TLK1: variants seen among roughly 807,000 people sequenced by gnomAD.
The protein encoded by TLK1 is tousled like kinase 1.
In TLK1, 24 loss-of-function variants were observed where a neutral mutation model predicts 105.3. The observed-to-expected ratio is 0.23, with a 90% CI of 0.17 to 0.32. The LOEUF (loss-of-function observed/expected upper bound fraction) is 0.32. Among genes scored for constraint, TLK1 ranks in the 10% least tolerant of loss-of-function variants. TLK1 has a pLI of 1.00. For missense variants in TLK1, 558 were observed against 910.5 expected (o/e 0.61, Z 4.98); for synonymous variants, 321 against 310.4 (o/e 1.03, Z -0.36).
At position 171,117,862 on chromosome 2, in the gene TLK1, TAAGAA is replaced by T; in HGVS notation, c.140-10_140-6del. On this transcript the variant is annotated splice_region_variant and splice_polypyrimidine_tract_variant and intron_variant, in intron 1 of 20. Transcript: ENST00000431350. ...TATGAAGCTCATCCATTGCACCTAT[TAAGAA>T]AAAAAAATATATATGTACACATATA... The T allele has an allele frequency of 6.3e-7, 1 of 1,588,088 alleles. No homozygotes were observed.
intron 3 of TLK1, 144 bp downstream of exon 3, chr2:171,082,637 A>C: frequency 1.5e-6 from 1 of 682,120 alleles, no homozygotes; most frequent in Non-Finnish European, 2.6e-6. Context: ...GTTGTGCTTC[A>C]TAAGGCAGAA....
At chr2:171,005,031 G>C (rs918095812) in intron 18 of TLK1, among the ~76,000 whole-genome samples, 4 of 152,242 alleles carry the variant, frequency 2.6e-5, no homozygotes, top group Admixed American at 2.6e-4. Flanking sequence ...TCGTGTGTAA[G>C]TGGTTATGAT....
Position 171,046,361 on chromosome 2 carries a change from G to T in TLK1, c.982C>A (p.Gln328Lys), listed in dbSNP as rs755932973. 1 of 1,591,618 alleles carries T rather than the reference G, an allele frequency of 6.3e-7. No homozygotes were observed. Among genetic ancestry groups the T allele is most frequent in the South Asian group, 1.2e-5 (1 of 86,408 alleles). The change falls in exon 11 of 21, where the codon CAA becomes AAA. Residue 328 changes from glutamine to lysine, a missense_variant and splice_region_variant. Around this residue, in one of 5 missense-constraint regions of TLK1, gnomAD observed 196 missense variants for 239.3 expected, o/e 0.82. Transcript: ENST00000431350. ...DGFAFQNLVK[Q>K]QEWVNQQRED... ...CTTTGCTGATTCACCCATTCTTGTT[G>T]CCTGTGTAAAAATAAACAAATAAAA...
Position 171,003,597 on chromosome 2 carries a change from G to A in TLK1, c.1904+2550C>T, listed in dbSNP as rs138111770. Among the ~76,000 whole-genome samples the A allele has an allele frequency of 1.7e-4, 26 of 152,250 alleles. No individual in the cohort carries two copies. The East Asian group carries it at 4.0e-3, about 24-fold the overall frequency. On this transcript the variant is annotated intron_variant, in intron 18 of 20. Coordinates refer to ENST00000431350, the MANE Select transcript of TLK1 (RefSeq NM_012290.5). ...ATCACGAGAGATTACTTTTTACTGC[G>A]ATAGGCCTTTTACTGGAGAGATTAA...
chr2:171,138,030 T>C (rs967232006), intron 1 of TLK1, among the ~76,000 whole-genome samples: 1 of 152,110 alleles, frequency 6.6e-6, no homozygotes, highest in African/African-American at 2.4e-5. Flanking sequence ...AAAGGCATCC[T>C]ATAAAAGTTA....
chr2:171,078,364 C>A (rs1195028051), intron 3 of TLK1, among the ~76,000 whole-genome samples: 1 of 151,978 alleles, frequency 6.6e-6, no homozygotes, highest in Non-Finnish European at 1.5e-5. Context: ...ATAGTGAAAC[C>A]CCGTCTCTAC....
chr2:171,109,855 T>A (rs1690085631), intron 2 of TLK1, among the ~76,000 whole-genome samples: 1 of 152,286 alleles, frequency 6.6e-6, no homozygotes, highest in South Asian at 2.1e-4. Context: ...AAACACTACA[T>A]TAAATAAAGG....
rs555562506 is a variant in TLK1 at position 170,993,190 on chromosome 2, G to C, written c.*590C>G. ...GATCTCGAGGTACAACTTGGTAAAA[G>C]TCTGAATAGGCAAATGACAAAGCCT... On this transcript the variant is annotated 3_prime_UTR_variant, in exon 21 of 21. Transcript: ENST00000431350. The C allele has an allele frequency of 3.1e-4, 47 of 152,692 alleles. No homozygotes were observed. The highest frequency in any genetic ancestry group is 1.0e-3 in the African/African-American group (43 of 41,548). The allele number at this position is 152,692 out of a possible 1,614,324, so 9.5% of individuals were successfully genotyped here.
chr2:171,132,450 C>G (rs917677031), intron 1 of TLK1, among the ~76,000 whole-genome samples: 4 of 152,142 alleles, frequency 2.6e-5, no homozygotes, highest in Admixed American at 2.6e-4. Context: ...TTACTTACCC[C>G]CCCCAACACG....
intron 20 of TLK1, among the ~76,000 whole-genome samples, chr2:170,996,144 G>A (rs1476661049): frequency 6.6e-6 from 1 of 151,372 alleles, no homozygotes; most frequent in African/African-American, 2.4e-5. Context: ...GACTCTAGAT[G>A]TGTGCCACCA....
intron 1 of TLK1, among the ~76,000 whole-genome samples, chr2:171,208,548 C>G (rs1693551608): frequency 6.6e-6 from 1 of 152,028 alleles, no homozygotes; most frequent in Admixed American, 6.6e-5. Flanking sequence ...GATCAAAAGC[C>G]CTAAAAATGC....
intron 1 of TLK1, among the ~76,000 whole-genome samples, chr2:171,127,243 C>G (rs1395136426): frequency 6.7e-6 from 1 of 148,252 alleles, no homozygotes; most frequent in African/African-American, 2.5e-5. Flanking sequence ...TGTCACTGCA[C>G]TCCAGCCTGG....
chr2:171,088,978 G>C lies in TLK1; in HGVS notation c.259-6126C>G, dbSNP rs1312487643. Among the ~76,000 whole-genome samples, 3 of 152,132 alleles carry C rather than the reference G, an allele frequency of 2.0e-5. No individual in the cohort carries two copies. In the East Asian group the frequency reaches 5.8e-4, roughly 29 times the overall value. On this transcript the variant is annotated intron_variant, in intron 2 of 20. Coordinates refer to ENST00000431350, the MANE Select transcript of TLK1 (RefSeq NM_012290.5). The stretch of plus-strand genomic sequence containing the variant: ...TGGCTCACTGCAAACTCCACTTTCC[G>C]GGCTCAAGTGATTCTGCCTCAGCCT...
At chr2:171,067,458 G>T (rs1320663552) in intron 3 of TLK1, among the ~76,000 whole-genome samples, 2 of 152,038 alleles carry the variant, frequency 1.3e-5, no homozygotes, top group African/African-American at 4.8e-5. Context: ...ACCACGCCCG[G>T]CCACACACTT....
At chr2:171,188,705 CAAAAA>C (rs998138338) in intron 1 of TLK1, among the ~76,000 whole-genome samples, 1 of 44,676 alleles carries the variant, frequency 2.2e-5, no homozygotes, top group Non-Finnish European at 4.6e-5. Flanking sequence ...GACTCTGTCT[CAAAAA>C]AAAAAAAAAA....
chr2:171,041,584 C>A (rs1284102088), intron 11 of TLK1, among the ~76,000 whole-genome samples: 1 of 152,210 alleles, frequency 6.6e-6, no homozygotes, highest in Non-Finnish European at 1.5e-5. Context: ...CTATTGTGAA[C>A]TGCGCATGCA....
rs112483394 is a variant in TLK1, at chr2:171,095,925, A to C, written c.259-13073T>G. On this transcript the variant is annotated intron_variant, in intron 2 of 20. Coordinates refer to ENST00000431350, the MANE Select transcript of TLK1 (RefSeq NM_012290.5). ...AGCTAATTTCATACTCCAGGATGAA[A>C]AGCTGGCAGCTTTTCCTCTAAGATC... 3.0e-4 allele frequency among the ~76,000 whole-genome samples: 46 copies of C among 152,308 alleles called. 2 individuals carry two copies. The highest frequency in any genetic ancestry group is 9.6e-4 in the African/African-American group (40 of 41,572).
At chr2:171,043,092 GT>G (rs1401650396) in intron 11 of TLK1, among the ~76,000 whole-genome samples, 1 of 152,156 alleles carries the variant, frequency 6.6e-6, no homozygotes, top group East Asian at 1.9e-4. Context: ...ACATGAAAAT[GT>G]TATGGAAACA....
chr2:171,106,271 A>T (rs924129370), intron 2 of TLK1, among the ~76,000 whole-genome samples: 3 of 152,202 alleles, frequency 2.0e-5, no homozygotes, highest in African/African-American at 7.2e-5. Context: ...GGTGTTCTAT[A>T]GCACTATAGG....
Sources: allele counts gnomAD v4.1 joint callset (sites outside exome capture counted in the v4.1 genomes callset), GRCh38; gene constraint gnomAD v4.1.1; regional missense constraint gnomAD v4.1.1; transcripts MANE v1.5; gene names NCBI Gene and HGNC (gene_info 2026-07-23, HGNC 2026-07-21).